The following REC114 variants were observed in gnomAD, a reference collection of about 807,000 sequenced individuals.
REC114 encodes the protein meiotic recombination protein REC114.
In REC114, 27 loss-of-function variants were observed where a neutral mutation model predicts 31.3. The ratio of observed to expected loss-of-function variants is 0.86; its 90% CI spans 0.64 to 1.19. REC114 has a LOEUF of 1.19. REC114 is among the 50% of genes most tolerant of loss of function. The pLI, the probability that REC114 is intolerant of heterozygous loss-of-function variation, is 0.00. For missense variants in REC114, 344 were observed against 326.9 expected, an observed-to-expected ratio of 1.05 and a Z score of -0.40; for synonymous variants, 134 against 127.7, an observed-to-expected ratio of 1.05 and a Z score of -0.33.
chr15:73,459,012 A>C (rs1892954069), intron 1 of REC114, among the ~76,000 whole-genome samples: 1 of 152,118 alleles, frequency 6.6e-6, no homozygotes, highest in Non-Finnish European at 1.5e-5. Context: ...TGGTTGGAAT[A>C]ACAAAAACAA....
rs574439246 is a variant in REC114 at position 73,491,218 on chromosome 15, G to A, written c.249+17297G>A. Among the ~76,000 whole-genome samples, 18 of 133,272 alleles carry A rather than the reference G, an allele frequency of 1.4e-4. No individual in the cohort carries two copies. The South Asian group carries it at 4.2e-3, about 31-fold the overall frequency. The allele number at this position is 133,272 out of a possible 152,430, so 87.4% of individuals were successfully genotyped here. A position where few individuals can be genotyped will look rare whatever the true frequency, so the allele number is the denominator to read the frequency against. ...TATTTGTGTATTATCTTAATTTTGT[G>A]TATTATCTTTGTGTACTATCTTTGT... On this transcript the variant is annotated intron_variant, in intron 2 of 5. Transcript: ENST00000331090.
intron 2 of REC114, among the ~76,000 whole-genome samples, chr15:73,509,304 T>G (rs1893729474): frequency 7.0e-6 from 1 of 143,300 alleles, no homozygotes. Flanking sequence ...TTTTTTCTTG[T>G]AAATTTGTTT....
At chr15:73,488,114 C>T (rs74023000) in intron 2 of REC114, among the ~76,000 whole-genome samples, 6,991 of 152,220 alleles carry the variant, frequency 0.046, 257 homozygotes, top group African/African-American at 0.11. Context: ...CTTGAGGCAG[C>T]CTGGAGCAGT....
intron 2 of REC114, among the ~76,000 whole-genome samples, chr15:73,529,970 C>T (rs758376365): frequency 9.9e-5 from 15 of 152,164 alleles, no homozygotes; most frequent in African/African-American, 2.9e-4. Context: ...AAAACACAGT[C>T]GTCCTTTTTT....
chr15:73,504,247 C>G (rs1025197151), intron 2 of REC114, among the ~76,000 whole-genome samples: 1 of 152,064 alleles, frequency 6.6e-6, no homozygotes, highest in African/African-American at 2.4e-5. Flanking sequence ...CTCGTGATCG[C>G]CCTCCTCAGC....
Position 73,486,911 on chromosome 15 carries a change from C to T in REC114, c.249+12990C>T, listed in dbSNP as rs1325020071. 2.6e-5 allele frequency among the ~76,000 whole-genome samples: 4 copies of T among 152,106 alleles called. No individual in the cohort carries two copies. In the East Asian group the frequency reaches 5.8e-4, roughly 22 times the overall value. On this transcript the variant is annotated intron_variant, in intron 2 of 5. Transcript: ENST00000331090. ...ATTAGCCAGGTGTGGTGGCACATGC[C>T]TGTAATCCCAGGTACAGGAGAATCG...
chr15:73,501,591 T>C (rs1595871343), intron 2 of REC114, among the ~76,000 whole-genome samples: 1 of 152,230 alleles, frequency 6.6e-6, no homozygotes, highest in South Asian at 2.1e-4. Flanking sequence ...ATAACAGGTA[T>C]GTGCCACCAC....
At chr15:73,518,298 C>T (rs1040511418) in intron 2 of REC114, among the ~76,000 whole-genome samples, 6 of 152,180 alleles carry the variant, frequency 3.9e-5, no homozygotes, top group South Asian at 2.1e-4. Context: ...GAGTGGCCTC[C>T]AGCACAACTG....
At chr15:73,454,615 T>A (rs531569412) in intron 1 of REC114, among the ~76,000 whole-genome samples, 1 of 152,210 alleles carries the variant, frequency 6.6e-6, no homozygotes, top group Non-Finnish European at 1.5e-5. Flanking sequence ...TCTGAAACCC[T>A]GTATCCTGAG....
At chr15:73,539,047 C>T (rs566236341) in intron 2 of REC114, among the ~76,000 whole-genome samples, 37 of 152,082 alleles carry the variant, frequency 2.4e-4, no homozygotes, top group Admixed American at 7.9e-4. Context: ...AATTGCCCTC[C>T]GTAAGCATTG....
At chr15:73,498,908 A>G (rs1893565845) in intron 2 of REC114, among the ~76,000 whole-genome samples, 1 of 152,184 alleles carries the variant, frequency 6.6e-6, no homozygotes, top group Non-Finnish European at 1.5e-5. Flanking sequence ...GATGTTTTGT[A>G]AAATCCTCTT....
chr15:73,554,610 G>A (rs1324919956), intron 4 of REC114, among the ~76,000 whole-genome samples: 1 of 152,150 alleles, frequency 6.6e-6, no homozygotes, highest in Non-Finnish European at 1.5e-5. Context: ...CCCCAGGGAG[G>A]GGGATGGGAA....
rs1566950071 is a variant in REC114, at chr15:73,551,047, T to A, written c.443T>A (p.Val148Glu). The change falls in exon 4 of 6, where the codon GTG becomes GAG. Residue 148 changes from valine to glutamate, a missense_variant. Coordinates refer to ENST00000331090, the MANE Select transcript of REC114 (RefSeq NM_001042367.2). Reference sequence around the variant, plus strand: ...CTGGCACAATACATAACCGTGCAGGTGCCTGATGGAAACATCCAGGAGCTT... The same window carrying A: ...CTGGCACAATACATAACCGTGCAGGAGCCTGATGGAAACATCCAGGAGCTT... ...QKLAQYITVQVPDGNIQELQL... is the reference protein window; with the variant it reads ...QKLAQYITVQEPDGNIQELQL... 1 of 1,613,840 alleles carries A rather than the reference T, an allele frequency of 6.2e-7. No homozygotes were observed. Among genetic ancestry groups the A allele is most frequent in the East Asian group, 2.2e-5 (1 of 44,866 alleles).
chr15:73,446,806 C>T (rs542950067), intron 1 of REC114, among the ~76,000 whole-genome samples: 2 of 152,256 alleles, frequency 1.3e-5, no homozygotes, highest in South Asian at 4.1e-4. Context: ...GCCTTGTGAA[C>T]ATTATTATAA....
chr15:73,475,690 A>G (rs908885493), intron 2 of REC114, among the ~76,000 whole-genome samples: 14 of 152,218 alleles, frequency 9.2e-5, no homozygotes, highest in Non-Finnish European at 1.8e-4. Context: ...GATACTTTTT[A>G]AAATAAATTT....
chr15:73,450,242 C>A lies in REC114; in HGVS notation c.159+6898C>A, dbSNP rs187021871. On this transcript the variant is annotated intron_variant, in intron 1 of 5. Coordinates refer to ENST00000331090, the MANE Select transcript of REC114 (RefSeq NM_001042367.2). ...ATCAGTGTGCTGTATTCAGGAGACC[C>A]ATCTCACGTGCAAAGATACACATAG... 2.5e-3 allele frequency among the ~76,000 whole-genome samples: 384 copies of A among 152,058 alleles called. 1 individual carries two copies. The highest frequency in any genetic ancestry group is 8.8e-3 in the African/African-American group (364 of 41,464).
intron 1 of REC114, among the ~76,000 whole-genome samples, chr15:73,471,720 G>A (rs1893135298): frequency 6.6e-6 from 1 of 151,952 alleles, no homozygotes; most frequent in Non-Finnish European, 1.5e-5. Flanking sequence ...ACATATGTAA[G>A]AATGTTCATA....
chr15:73,483,269 CGCTGCT>C (rs35053500), intron 2 of REC114: 4 of 154,930 alleles, frequency 2.6e-5, no homozygotes, highest in Non-Finnish European at 4.3e-5. Flanking sequence ...TTTGAGCTGC[CGCTGCT>C]GCTGCTGCTG....
intron 1 of REC114, among the ~76,000 whole-genome samples, chr15:73,449,012 A>C (rs1160675949): frequency 6.6e-6 from 1 of 152,204 alleles, no homozygotes; most frequent in Non-Finnish European, 1.5e-5. Context: ...CAAAGACCGA[A>C]GATAGATAAA....
Sources: gnomAD v4.1 joint callset for allele counts (sites outside exome capture counted in the v4.1 genomes callset) on GRCh38, gnomAD v4.1.1 for gene constraint, MANE v1.5 for transcripts, NCBI Gene and HGNC (gene_info 2026-07-23, HGNC 2026-07-21) for gene names.